SSBP3: variants seen among roughly 807,000 people sequenced by gnomAD.
The protein encoded by SSBP3 is single stranded DNA binding protein 3.
SSBP3 carries 5 observed loss-of-function variants against 69.6 expected under a neutral mutation model. The observed-to-expected ratio is 0.07, with a 90% CI of 0.04 to 0.15. SSBP3 has a LOEUF of 0.15. Ranked by LOEUF, SSBP3 falls within the 10% of genes least tolerant of loss-of-function variation. SSBP3 has a pLI of 1.00. For missense variants in SSBP3, 312 were observed against 534.0 expected (o/e 0.58, Z 4.10); for synonymous variants, 196 against 193.4 (o/e 1.01, Z -0.11).
intron 4 of SSBP3, among the ~76,000 whole-genome samples, chr1:54,391,807 G>C (rs755551019): frequency 1.3e-5 from 2 of 152,102 alleles, no homozygotes; most frequent in Non-Finnish European, 2.9e-5. Flanking sequence ...GATGCCTTAC[G>C]ACCTATTCTC....
intron 4 of SSBP3, among the ~76,000 whole-genome samples, chr1:54,330,878 C>G (rs1646398194): frequency 6.6e-6 from 1 of 152,306 alleles, no homozygotes; most frequent in East Asian, 1.9e-4. Flanking sequence ...ACCGTGGGTG[C>G]AGATCACTGC....
At chr1:54,331,513 A>T (rs1481946826) in intron 4 of SSBP3, among the ~76,000 whole-genome samples, 1 of 152,212 alleles carries the variant, frequency 6.6e-6, no homozygotes, top group African/African-American at 2.4e-5. Flanking sequence ...TTCTGCTCTG[A>T]TGCCTCTCCC....
chr1:54,238,753 C>T (rs1644547246), intron 14 of SSBP3: 1 of 332,156 alleles, frequency 3.0e-6, no homozygotes, highest in Admixed American at 4.8e-5. Context: ...CTCCATAGCC[C>T]CAGAAACAGA....
intron 4 of SSBP3, among the ~76,000 whole-genome samples, chr1:54,284,931 G>C (rs1645460855): frequency 6.6e-6 from 1 of 152,170 alleles, no homozygotes; most frequent in South Asian, 2.1e-4. Context: ...CAACGGCCAG[G>C]GTCACCATGG....
intron 4 of SSBP3, among the ~76,000 whole-genome samples, chr1:54,374,047 T>A (rs1006255578): frequency 6.6e-6 from 1 of 152,126 alleles, no homozygotes; most frequent in Non-Finnish European, 1.5e-5. Flanking sequence ...CACAAGGACA[T>A]CATGGGAAGA....
chr1:54,302,848 G>A (rs371674865), intron 4 of SSBP3, among the ~76,000 whole-genome samples: 8 of 152,198 alleles, frequency 5.3e-5, no homozygotes, highest in African/African-American at 1.9e-4. Context: ...GACCAAGTCA[G>A]TGCGGTCAAT....
intron 4 of SSBP3, among the ~76,000 whole-genome samples, chr1:54,308,588 G>A (rs532667348): frequency 2.6e-4 from 37 of 140,610 alleles, no homozygotes; most frequent in Non-Finnish European, 4.7e-4. Flanking sequence ...CCGACAGAGC[G>A]AGACTCCATC....
intron 9 of SSBP3, among the ~76,000 whole-genome samples, chr1:54,251,268 AG>A (rs1644823717): frequency 6.6e-6 from 1 of 152,176 alleles, no homozygotes; most frequent in African/African-American, 2.4e-5. Context: ...TACCTCACCC[AG>A]GGGAGGCAGC....
intron 4 of SSBP3, among the ~76,000 whole-genome samples, chr1:54,349,605 C>G (rs1200171755): frequency 6.6e-6 from 1 of 151,758 alleles, no homozygotes; most frequent in Non-Finnish European, 1.5e-5. Context: ...GGCATGTTGG[C>G]TTTTACAGGA....
chr1:54,395,010 C>CTT (rs772634375), intron 4 of SSBP3, among the ~76,000 whole-genome samples: 12 of 144,948 alleles, frequency 8.3e-5, no homozygotes, highest in Admixed American at 2.7e-4. Context: ...GCTAAGACTC[C>CTT]TTTTTTTTTT....
chr1:54,365,094 C>T (rs1301469386), intron 4 of SSBP3, among the ~76,000 whole-genome samples: 1 of 152,102 alleles, frequency 6.6e-6, no homozygotes, highest in Non-Finnish European at 1.5e-5. Context: ...AAGACAAAGG[C>T]GCCGAAGAGC....
Position 54,381,406 on chromosome 1 carries a change from A to G in SSBP3, c.276+20455T>C, listed in dbSNP as rs866069827. Among the ~76,000 whole-genome samples, 196 of 146,458 alleles carry G rather than the reference A, an allele frequency of 1.3e-3. 1 individual carries two copies. Among genetic ancestry groups the G allele is most frequent in the South Asian group, 3.5e-3 (16 of 4,514 alleles). On this transcript the variant is annotated intron_variant, in intron 4 of 17. Transcript: ENST00000610401. ...TCAAAAAAAAAAAAAAAAAAAAAAAAAGAGAGAGAGAGCATGTCAGTAGAG... is the reference window on the plus strand; with the variant it reads ...TCAAAAAAAAAAAAAAAAAAAAAAAGAGAGAGAGAGAGCATGTCAGTAGAG...
intron 4 of SSBP3, among the ~76,000 whole-genome samples, chr1:54,313,859 C>A (rs1238155798): frequency 6.6e-6 from 1 of 152,006 alleles, no homozygotes; most frequent in African/African-American, 2.4e-5. Flanking sequence ...CTCCGCCTCC[C>A]AGGTTCAAGC....
chr1:54,344,893 G>A (rs753364417), intron 4 of SSBP3, among the ~76,000 whole-genome samples: 2 of 152,238 alleles, frequency 1.3e-5, no homozygotes, highest in Non-Finnish European at 2.9e-5. Context: ...CACTGCTTGA[G>A]CGCGTCGCTG....
upstream of SSBP3, among the ~76,000 whole-genome samples, chr1:54,408,314 A>C (rs1649905739): frequency 6.6e-6 from 1 of 152,210 alleles, no homozygotes; most frequent in Non-Finnish European, 1.5e-5. Context: ...TTTTTCCCCT[A>C]GGCGGTTTAA....
intron 1 of SSBP3, 135 bp downstream of exon 1, chr1:54,405,818 G>T: frequency 2.1e-6 from 1 of 471,312 alleles, no homozygotes; most frequent in Non-Finnish European, 2.9e-6. Flanking sequence ...AAGGGGCCAG[G>T]CAGGCGGCGC....
intron 14 of SSBP3, chr1:54,237,515 C>G: frequency 6.6e-6 from 1 of 152,418 alleles, no homozygotes. Context: ...CTCCCCTTCT[C>G]CATATGCCAT....
chr1:54,285,760 C>CGGGT (rs1645477549), intron 4 of SSBP3, among the ~76,000 whole-genome samples: 2 of 152,134 alleles, frequency 1.3e-5, no homozygotes, highest in Admixed American at 1.3e-4. Context: ...CTGAAAACCC[C>CGGGT]CATTATTCAC....
At chr1:54,228,685 A>G (rs1570174401) in intron 15 of SSBP3, 63 bp downstream of exon 15, 7 of 1,530,416 alleles carry the variant, frequency 4.6e-6, no homozygotes, top group Non-Finnish European at 6.2e-6. Context: ...CTGAGCCAGG[A>G]GCTGAGGCAC....
Sources: gnomAD v4.1 joint callset for allele counts (sites outside exome capture counted in the v4.1 genomes callset) on GRCh38, gnomAD v4.1.1 for gene constraint, MANE v1.5 for transcripts, NCBI Gene and HGNC (gene_info 2026-07-23, HGNC 2026-07-21) for gene names.